Variants in CPNE8 observed in about 807,000 individuals in gnomAD.
The protein encoded by CPNE8 is copine 8.
A neutral mutation model predicts 81.5 loss-of-function variants in CPNE8; 45 were observed. The observed-to-expected ratio is 0.55, with a 90% confidence interval of 0.44 to 0.71. The LOEUF (loss-of-function observed/expected upper bound fraction) is 0.71. Ranked by LOEUF, CPNE8 falls within the 30% of genes least tolerant of loss-of-function variation. The pLI, the probability that CPNE8 is intolerant of heterozygous loss-of-function variation, is 0.00. For missense variants in CPNE8, 594 were observed against 672.1 expected, an observed-to-expected ratio of 0.88 and a Z score of 1.28; for synonymous variants, 252 against 226.3, an observed-to-expected ratio of 1.11 and a Z score of -1.02.
chr12:38,660,975 T>G (rs552099694), intron 19 of CPNE8, among the ~76,000 whole-genome samples: 3 of 152,290 alleles, frequency 2.0e-5, no homozygotes, highest in Admixed American at 1.3e-4. Flanking sequence ...CTGGAGAGGA[T>G]GTAGAGAAAT....
chr12:38,873,640 C>T (rs2137107447), intron 2 of CPNE8, among the ~76,000 whole-genome samples: 1 of 152,276 alleles, frequency 6.6e-6, no homozygotes, highest in Non-Finnish European at 1.5e-5. Context: ...ATTGCAATGC[C>T]TTTTTCCCAA....
rs1939157182 is a variant in CPNE8, at chr12:38,670,753, T to C, written c.1482A>G (p.Lys494=). The C allele has an allele frequency of 3.7e-6, 6 of 1,608,120 alleles. No individual in the cohort carries two copies. The highest frequency in any genetic ancestry group is 4.3e-6 in the Non-Finnish European group (5 of 1,176,428). The change falls in exon 19 of 20, where the codon AAA becomes AAG. Residue 494 remains lysine (K), a synonymous_variant. Transcript: ENST00000331366. The part of the protein sequence containing the change: ...GDDVRVSSRG[K]YAERDIVQFV... ...CCTGCACAATGTCTCTTTCAGCATA[T>C]TTTCCTCTAGAGGAGACTCTTACAT...
At chr12:38,906,208 G>A, upstream of CPNE8, 1 of 985,544 alleles carries the variant, frequency 1.0e-6, no homozygotes, top group Non-Finnish European at 1.2e-6. Context: ...GATGAGTCTG[G>A]TCCCAGCTTC....
chr12:38,707,063 C>T (rs826890), intron 13 of CPNE8, among the ~76,000 whole-genome samples: 14,893 of 152,062 alleles, frequency 0.098, 929 homozygotes, highest in East Asian at 0.25. Flanking sequence ...ACCTGTAATC[C>T]CAGCATTTGA....
rs983808988 is a variant in CPNE8 at position 38,805,925 on chromosome 12, C to A, written c.407+23454G>T. On this transcript the variant is annotated intron_variant, in intron 6 of 19. Transcript: ENST00000331366. ...ATAAAAAATGATAAAGGGGATATCA[C>A]CACCGATCCCACAGAAATACAAACT... Among the ~76,000 whole-genome samples the A allele has an allele frequency of 7.3e-5, 11 of 149,806 alleles. 1 individual carries two copies. Among genetic ancestry groups the A allele is most frequent in the Admixed American group, 7.3e-4 (11 of 15,024 alleles).
At chr12:38,874,605 A>G (rs886389231) in intron 1 of CPNE8, 94 bp from the exon 2 acceptor site, 24 of 696,780 alleles carry the variant, frequency 3.4e-5, no homozygotes, top group East Asian at 2.4e-4. Context: ...ATAATTGTGT[A>G]TATATATATA....
chr12:38,743,917 T>C (rs905180590), intron 10 of CPNE8, among the ~76,000 whole-genome samples: 1 of 152,196 alleles, frequency 6.6e-6, no homozygotes, highest in African/African-American at 2.4e-5. Context: ...GCAGTGACAA[T>C]ACACTACATG....
rs118189704 is a variant in CPNE8, at chr12:38,889,957, G to A, written c.99-15446C>T. ...TTTCAGGAGTGCCCATAAGTAGTTC[G>A]CAAAACCTCTGAAGCAATTTTGATG... On this transcript the variant is annotated intron_variant, in intron 1 of 19. Coordinates refer to ENST00000331366, the MANE Select transcript of CPNE8 (RefSeq NM_153634.3). Among the ~76,000 whole-genome samples the A allele has an allele frequency of 4.7e-3, 722 of 152,256 alleles. 1 individual carries two copies. The highest frequency in any genetic ancestry group is 8.9e-3 in the Non-Finnish European group (604 of 68,014).
rs11503621 is a variant in CPNE8 at position 38,799,181 on chromosome 12, T to G, written c.408-22880A>C. 5.2e-3 allele frequency among the ~76,000 whole-genome samples: 790 copies of G among 152,132 alleles called. 10 individuals carry two copies. Among genetic ancestry groups the G allele is most frequent in the African/African-American group, 0.018 (763 of 41,484 alleles). The stretch of plus-strand genomic sequence containing the variant: ...CAAGCATACCCGGGAATTGAACTCA[T>G]CTCTGCACCAAGGGGACCTAATAGA... On this transcript the variant is annotated intron_variant, in intron 6 of 19. Coordinates refer to ENST00000331366, the MANE Select transcript of CPNE8 (RefSeq NM_153634.3).
chr12:38,784,118 G>A (rs1474133152), intron 6 of CPNE8, among the ~76,000 whole-genome samples: 1 of 152,066 alleles, frequency 6.6e-6, no homozygotes, highest in African/African-American at 2.4e-5. Context: ...AATTGAAGAT[G>A]ACACAGAAAG....
chr12:38,806,396 T>G lies in CPNE8; in HGVS notation c.407+22983A>C, dbSNP rs1223470117. On this transcript the variant is annotated intron_variant, in intron 6 of 19. Coordinates refer to ENST00000331366, the MANE Select transcript of CPNE8 (RefSeq NM_153634.3). ...GAATCCAGCAGCACATCAAAAAGCTTATCCACCATGATCAAGTGGGCTTCA... is the reference window on the plus strand; with the variant it reads ...GAATCCAGCAGCACATCAAAAAGCTGATCCACCATGATCAAGTGGGCTTCA... Among the ~76,000 whole-genome samples, 4 of 149,090 alleles carry G rather than the reference T, an allele frequency of 2.7e-5. 1 individual carries two copies. Among genetic ancestry groups the G allele is most frequent in the African/African-American group, 9.7e-5 (4 of 41,174 alleles).
chr12:38,783,695 A>G (rs772326298), intron 6 of CPNE8, among the ~76,000 whole-genome samples: 7 of 152,176 alleles, frequency 4.6e-5, no homozygotes, highest in Non-Finnish European at 8.8e-5. Flanking sequence ...TTTGTTTGGG[A>G]GAAAGTAAGG....
At chr12:38,686,344 G>T (rs190010340) in intron 15 of CPNE8, among the ~76,000 whole-genome samples, 116 of 152,202 alleles carry the variant, frequency 7.6e-4, no homozygotes, top group African/African-American at 2.6e-3. Flanking sequence ...TGGGAACAGC[G>T]CCCAGAAAGG....
At chr12:38,826,105 C>T (rs12305675) in intron 6 of CPNE8, among the ~76,000 whole-genome samples, 5,908 of 152,138 alleles carry the variant, frequency 0.039, 320 homozygotes, top group East Asian at 0.19. Flanking sequence ...CATTTTCTTA[C>T]CCACTTAGTA....
chr12:38,717,429 G>GA (rs1555147070), intron 13 of CPNE8, among the ~76,000 whole-genome samples: 1 of 87,052 alleles, frequency 1.1e-5, no homozygotes, highest in Non-Finnish European at 2.1e-5. Flanking sequence ...AAAGTGTGGT[G>GA]TATATATATA....
intron 9 of CPNE8, among the ~76,000 whole-genome samples, chr12:38,761,845 T>C (rs1375048151): frequency 6.6e-6 from 1 of 152,198 alleles, no homozygotes; most frequent in African/African-American, 2.4e-5. Flanking sequence ...CTAAGCATAG[T>C]GTTGCAACTT....
At chr12:38,726,676 T>C (rs2136754375) in intron 11 of CPNE8, 1 of 152,342 alleles carries the variant, frequency 6.6e-6, no homozygotes, top group East Asian at 1.9e-4. Flanking sequence ...TACATTTTTC[T>C]CGAAAAACCA....
intron 10 of CPNE8, among the ~76,000 whole-genome samples, chr12:38,748,145 G>A (rs1164768996): frequency 6.6e-6 from 1 of 151,970 alleles, no homozygotes; most frequent in East Asian, 1.9e-4. Flanking sequence ...CGAGTAGCTG[G>A]GATTACAGGC....
At chr12:38,729,065 C>T (rs952627910) in intron 11 of CPNE8, among the ~76,000 whole-genome samples, 1 of 151,954 alleles carries the variant, frequency 6.6e-6, no homozygotes, top group Non-Finnish European at 1.5e-5. Flanking sequence ...TGAGAAAATG[C>T]TACAAAAGCT....
Sources: gnomAD v4.1 joint callset for allele counts (sites outside exome capture counted in the v4.1 genomes callset) on GRCh38, gnomAD v4.1.1 for gene constraint, MANE v1.5 for transcripts, NCBI Gene and HGNC (gene_info 2026-07-23, HGNC 2026-07-21) for gene names.